PKHD1: variants seen among roughly 807,000 people sequenced by gnomAD.
PKHD1 encodes PKHD1 ciliary IPT domain containing fibrocystin/polyductin, also known as fibrocystin.
PKHD1 carries 291 observed loss-of-function variants against 412.0 expected under a neutral mutation model. The ratio of observed to expected loss-of-function variants is 0.71; its 90% CI spans 0.64 to 0.78. The LOEUF (loss-of-function observed/expected upper bound fraction) is 0.78. PKHD1 is among the 30% of genes least tolerant of loss of function. PKHD1 has a pLI of 0.00. For missense variants in PKHD1, 4,825 were observed against 4,950.7 expected (o/e 0.97, Z 0.76); for synonymous variants, 1,777 against 1,821.5 (o/e 0.98, Z 0.62).
Position 51,744,455 on chromosome 6 carries a change from C to G in PKHD1, c.10086G>C (p.Leu3362=). 1.2e-6 allele frequency: 2 copies of G among 1,613,278 alleles called. No individual in the cohort carries two copies. The highest frequency in any genetic ancestry group is 1.3e-5 in the African/African-American group (1 of 75,024). The stretch of plus-strand genomic sequence containing the variant: ...ATACAGAAACTGGTGGAGGCAGACC[C>G]AGGGCTCTCCCATCCAGATCCTTGA... ...YLFKDLDGRA[L]GLPPPVSVFP... Residue 3362 remains leucine (L), a synonymous_variant, in exon 60 of 67, where the codon CTG becomes CTC. Coordinates refer to ENST00000371117, the MANE Select transcript of PKHD1 (RefSeq NM_138694.4).
intron 64 of PKHD1, 142 bp downstream of exon 64, chr6:51,638,707 A>C (rs1768911919): frequency 3.0e-6 from 2 of 676,356 alleles, no homozygotes; most frequent in African/African-American, 3.6e-5. Context: ...AAGCTTAATG[A>C]TACAGTCAAG....
At chr6:51,888,478 A>C (rs1408094523) in intron 43 of PKHD1, among the ~76,000 whole-genome samples, 1 of 151,968 alleles carries the variant, frequency 6.6e-6, no homozygotes, top group Non-Finnish European at 1.5e-5. Context: ...TGGCCTACCC[A>C]ATGTTCATAT....
At position 51,855,892 on chromosome 6, in the gene PKHD1, C is replaced by A. The variant is rs776123389; in HGVS notation, c.7911+1G>T. 3 of 1,610,052 alleles carry A rather than the reference C, an allele frequency of 1.9e-6. No individual in the cohort carries two copies. Among genetic ancestry groups the A allele is most frequent in the Non-Finnish European group, 2.6e-6 (3 of 1,176,252 alleles). ...ACCAACTAATGGATTCCTTGGGTTA[C>A]CTGCAGAGATCTGTTGATCCAAAGG... On this transcript the variant is annotated splice_donor_variant, in intron 49 of 66. Transcript: ENST00000371117. LOFTEE classifies it high-confidence loss of function.
At chr6:51,886,062 G>A (rs1778166071) in intron 44 of PKHD1, 90 bp from the exon 45 acceptor site, 3 of 814,544 alleles carry the variant, frequency 3.7e-6, no homozygotes, top group Admixed American at 2.0e-5. Flanking sequence ...TAAAAGTAAT[G>A]TATTAGGGAG....
chr6:51,958,571 A>T (rs1791515959), intron 36 of PKHD1, among the ~76,000 whole-genome samples: 1 of 152,116 alleles, frequency 6.6e-6, no homozygotes, highest in African/African-American at 2.4e-5. Flanking sequence ...TTAGTAATCC[A>T]AGACTTTCAG....
chr6:51,663,462 G>A (rs1207237330), intron 60 of PKHD1, among the ~76,000 whole-genome samples: 3 of 152,094 alleles, frequency 2.0e-5, no homozygotes. Context: ...CCATCTAACT[G>A]TATGTAATTT....
Position 51,656,212 on chromosome 6 carries a change from G to A in PKHD1, c.11174+2740C>T, listed in dbSNP as rs545699625. On this transcript the variant is annotated intron_variant, in intron 61 of 66. Coordinates refer to ENST00000371117, the MANE Select transcript of PKHD1 (RefSeq NM_138694.4). Reference sequence around the variant, plus strand: ...TGCAGAGACAAGGACAAAGCTGGAAGCCATCATTCTCAGCAAACTAACACA... The same window carrying A: ...TGCAGAGACAAGGACAAAGCTGGAAACCATCATTCTCAGCAAACTAACACA... Among the ~76,000 whole-genome samples the A allele has an allele frequency of 3.1e-3, 474 of 152,234 alleles. 3 individuals carry two copies. Among genetic ancestry groups the A allele is most frequent in the African/African-American group, 0.011 (446 of 41,552 alleles).
intron 15 of PKHD1, among the ~76,000 whole-genome samples, chr6:52,058,833 A>T (rs556795325): frequency 6.6e-6 from 1 of 152,178 alleles, no homozygotes; most frequent in Admixed American, 6.5e-5. Context: ...TAGTACTCAA[A>T]TGAGAATAGA....
At chr6:51,931,822 G>GGA (rs151119264) in intron 37 of PKHD1, among the ~76,000 whole-genome samples, 6 of 151,290 alleles carry the variant, frequency 4.0e-5, no homozygotes, top group Admixed American at 6.6e-5. Context: ...AGGAAAAGGG[G>GGA]GAGAGAGAGA....
intron 41 of PKHD1, among the ~76,000 whole-genome samples, chr6:51,904,318 C>A (rs1171812249): frequency 6.6e-6 from 1 of 152,106 alleles, no homozygotes; most frequent in Non-Finnish European, 1.5e-5. Context: ...TGCCACATAT[C>A]CTGTGTCAAC....
rs764346967 is a variant in PKHD1, at chr6:51,632,577, T to G, written c.11653A>C (p.Ser3885Arg). Residue 3885 changes from serine (S) to arginine (R), a missense_variant, in exon 65 of 67, where the codon AGC becomes CGC. Coordinates refer to ENST00000371117, the MANE Select transcript of PKHD1 (RefSeq NM_138694.4). ...AAAAACTACATACTTCTGCTTTTGCTTCTTTTAAGCCAACAGCACACCAGA... is the reference window on the plus strand; with the variant it reads ...AAAAACTACATACTTCTGCTTTTGCGTCTTTTAAGCCAACAGCACACCAGA... Reference protein sequence around the residue: ...SCLVCCWLKRSKSRKTKPEEI... With the variant: ...SCLVCCWLKRRKSRKTKPEEI... The G allele has an allele frequency of 6.2e-7, 1 of 1,613,036 alleles. No homozygotes were observed. Among genetic ancestry groups the G allele is most frequent in the South Asian group, 1.1e-5 (1 of 90,964 alleles).
intron 52 of PKHD1, among the ~76,000 whole-genome samples, chr6:51,796,021 A>T (rs1794533618): frequency 6.6e-6 from 1 of 152,184 alleles, no homozygotes; most frequent in Non-Finnish European, 1.5e-5. Flanking sequence ...TGCTGACCTC[A>T]TAAAATGAGA....
chr6:51,922,284 C>T (rs1784826016), intron 37 of PKHD1, among the ~76,000 whole-genome samples: 1 of 152,222 alleles, frequency 6.6e-6, no homozygotes, highest in Non-Finnish European at 1.5e-5. Context: ...TATTGCAGAA[C>T]AGCAAATGTT....
chr6:51,734,034 T>A (rs1268228458), intron 60 of PKHD1, among the ~76,000 whole-genome samples: 1 of 152,212 alleles, frequency 6.6e-6, no homozygotes, highest in Non-Finnish European at 1.5e-5. Flanking sequence ...TCCTGTAGAC[T>A]AATAGATTAA....
intron 48 of PKHD1, among the ~76,000 whole-genome samples, chr6:51,867,449 T>C (rs574210513): frequency 6.6e-5 from 10 of 152,064 alleles, no homozygotes; most frequent in Non-Finnish European, 1.2e-4. Flanking sequence ...GCATCAGCAA[T>C]TGCTTCCCTG....
rs754983543 is a variant in PKHD1, at chr6:52,045,028, C to T, written c.2653G>A (p.Gly885Ser). The change falls in exon 25 of 67, where the codon GGT (glycine) becomes AGT (serine). Residue 885 changes from glycine to serine, a missense_variant. Physicochemically the swap from Gly to Ser is moderately conservative, Grantham distance 56. Coordinates refer to ENST00000371117, the MANE Select transcript of PKHD1 (RefSeq NM_138694.4). ...PAAATRVVYD[G>S]GVFLGPIFGD... ...AATATGGGTCCAAGAAAAACTCCAC[C>T]ATCATATACCACACGCGTGGCTGCA... 2 of 1,613,340 alleles carry T rather than the reference C, an allele frequency of 1.2e-6. No individual in the cohort carries two copies. The highest frequency in any genetic ancestry group is 1.7e-5 in the Admixed American group (1 of 59,988).
chr6:51,993,873 C>G (rs749388594), intron 35 of PKHD1, among the ~76,000 whole-genome samples: 7 of 152,056 alleles, frequency 4.6e-5, no homozygotes, highest in Non-Finnish European at 1.0e-4. Flanking sequence ...CAGAATCAGA[C>G]AGTGTCAAAG....
At chr6:51,990,147 C>T (rs1248474497) in intron 35 of PKHD1, among the ~76,000 whole-genome samples, 1 of 151,552 alleles carries the variant, frequency 6.6e-6, no homozygotes, top group Non-Finnish European at 1.5e-5. Context: ...TCCTTCACCC[C>T]TCCAGGCTAT....
rs1772372632 is a variant in PKHD1 at position 51,659,086 on chromosome 6, G to A, written c.11040C>T (p.Ser3680=). 1.2e-6 allele frequency: 2 copies of A among 1,613,766 alleles called. No homozygotes were observed. The highest frequency in any genetic ancestry group is 1.7e-6 in the Non-Finnish European group (2 of 1,179,822). ...AATTCTGTAATTTGTTACTTGATAA[G>A]GATGAAATCATTCCAGTGCTCCTTA... ...PTVRSTGMIS[S]LSSNKLQNLA... The change falls in exon 61 of 67, where the codon TCC becomes TCT. Residue 3680 remains serine, a synonymous_variant. Transcript: ENST00000371117.
Sources: gnomAD v4.1 joint callset for allele counts (sites outside exome capture counted in the v4.1 genomes callset) on GRCh38, gnomAD v4.1.1 for gene constraint, MANE v1.5 for transcripts, NCBI Gene and HGNC (gene_info 2026-07-23, HGNC 2026-07-21) for gene names.